Variants in DCLRE1A observed in about 807,000 individuals in gnomAD.
DCLRE1A encodes DNA cross-link repair 1A protein.
In DCLRE1A, 64 loss-of-function variants were observed where a neutral mutation model predicts 91.9. The ratio of observed to expected loss-of-function variants is 0.70; its 90% confidence interval spans 0.57 to 0.86. The LOEUF is 0.86. Ranked by LOEUF, DCLRE1A falls within the 40% of genes least tolerant of loss-of-function variation. The pLI, the probability that DCLRE1A is intolerant of heterozygous loss-of-function variation, is 0.00. For missense variants in DCLRE1A, 1,145 were observed against 1,213.3 expected, an observed-to-expected ratio of 0.94 and a Z score of 0.84; for synonymous variants, 416 against 431.1, an observed-to-expected ratio of 0.96 and a Z score of 0.43.
At chr10:113,841,308 A>C in intron 7 of DCLRE1A, 98 bp downstream of exon 7, 2 of 1,369,566 alleles carry the variant, frequency 1.5e-6, no homozygotes, top group Non-Finnish European at 9.9e-7. Flanking sequence ...ACTATGGGTG[A>C]CTCTATTATA....
chr10:113,850,288 C>G lies in DCLRE1A; in HGVS notation c.817G>C (p.Val273Leu). The change falls in exon 2 of 9, where the codon GTT (valine) becomes CTT (leucine). Residue 273 changes from valine (V) to leucine (L), a missense_variant. Transcript: ENST00000361384. Reference sequence around the variant, plus strand: ...GAGTTGTTTGCAAGACGCAAAGCAACTCCCACTAGTTTGTCATTCTCAACA... The same window carrying G: ...GAGTTGTTTGCAAGACGCAAAGCAAGTCCCACTAGTTTGTCATTCTCAACA... ...DFVENDKLVG[V>L]ALRLANNSEH... The G allele has an allele frequency of 1.2e-6, 2 of 1,614,198 alleles. No homozygotes were observed. The highest frequency in any genetic ancestry group is 1.7e-6 in the Non-Finnish European group (2 of 1,180,042).
intron 7 of DCLRE1A, among the ~76,000 whole-genome samples, chr10:113,840,396 G>A (rs1845428115): frequency 6.6e-6 from 1 of 152,126 alleles, no homozygotes; most frequent in Non-Finnish European, 1.5e-5. Context: ...TCTACAAGAA[G>A]GCCATATGCA....
At chr10:113,835,412 C>A in intron 8 of DCLRE1A, 100 bp from the exon 9 acceptor site, 1 of 1,304,338 alleles carries the variant, frequency 7.7e-7, no homozygotes, top group Non-Finnish European at 1.0e-6. Context: ...GAAAAGCAAT[C>A]CACAGTATTT....
At chr10:113,846,251 T>C (rs1445368591) in intron 3 of DCLRE1A, among the ~76,000 whole-genome samples, 1 of 152,206 alleles carries the variant, frequency 6.6e-6, no homozygotes, top group Non-Finnish European at 1.5e-5. Context: ...GTTCAGACTC[T>C]GCCATTTTTA....
rs878956293 is a variant in DCLRE1A, at chr10:113,852,795, A to G, written c.388T>C (p.Ser130Pro). Residue 130 changes from serine (S) to proline (P), a missense_variant, in exon 1 of 9, where the codon TCC (serine) becomes CCC (proline). Physicochemically the swap from Ser to Pro is moderately conservative, Grantham distance 74. Transcript: ENST00000361384. Reference sequence around the variant, plus strand: ...CGAGGTGTCTGCCCTATCAATGAGGAAAAAGGCATCTGGCAATTTGGACAG... The same window carrying G: ...CGAGGTGTCTGCCCTATCAATGAGGGAAAAGGCATCTGGCAATTTGGACAG... ...GYCPNCQMPF[S>P]SLIGQTPRWH... is the part of the protein sequence containing the mutation. The G allele has an allele frequency of 6.2e-7, 1 of 1,614,174 alleles. No homozygotes were observed. The highest frequency in any genetic ancestry group is 1.1e-5 in the South Asian group (1 of 91,080).
chr10:113,842,617 A>C lies in DCLRE1A; in HGVS notation c.2520-129T>G, dbSNP rs1469268635. On this transcript the variant is annotated intron_variant, in intron 5 of 8. Coordinates refer to ENST00000361384, the MANE Select transcript of DCLRE1A (RefSeq NM_014881.5). Reference sequence around the variant, plus strand: ...AGCAATGTAATATATTAATACCACAAGTTATCTCACTGCCTGTGGTTGGAA... The same window carrying C: ...AGCAATGTAATATATTAATACCACACGTTATCTCACTGCCTGTGGTTGGAA... 4 of 733,774 alleles carry C rather than the reference A, an allele frequency of 5.5e-6. No homozygotes were observed. The African/African-American group carries it at 7.1e-5, about 13-fold the overall frequency. 45.5% of individuals were successfully genotyped at this position (733,774 alleles called of 1,614,324 possible).
Position 113,845,725 on chromosome 10 carries a change from T to A in DCLRE1A, c.2338A>T (p.Ile780Phe). 6.2e-7 allele frequency: 1 copy of A among 1,614,184 alleles called. No individual in the cohort carries two copies. The highest frequency in any genetic ancestry group is 8.5e-7 in the Non-Finnish European group (1 of 1,180,024). ...AAAACAACTTTGACACCATTCACAATACATTCAGTGTCCAGTGGCAATGGG... is the reference window on the plus strand; with the variant it reads ...AAAACAACTTTGACACCATTCACAAAACATTCAGTGTCCAGTGGCAATGGG... ...IHPLPLDTEC[I>F]VNGVKVVLLD... The change falls in exon 4 of 9, where the codon ATT (isoleucine) becomes TTT (phenylalanine). Residue 780 changes from isoleucine (I) to phenylalanine (F), a missense_variant. Physicochemically the swap from Ile to Phe is conservative, Grantham distance 21 (BLOSUM62 0). Transcript: ENST00000361384.
In DCLRE1A at chr10:113,847,306, A is replaced by G. The variant is rs1269818157; in HGVS notation, c.2155T>C (p.Tyr719His). Residue 719 changes from tyrosine to histidine, a missense_variant, in exon 3 of 9, where the codon TAT becomes CAT. Physicochemically the swap from Tyr to His is moderately conservative, Grantham distance 83. Transcript: ENST00000361384. Reference sequence around the variant, plus strand: ...GCTGTGCAACCTTCAACCACGCCATACTGAAAGGCATCAACTGTAAAGCCG... The same window carrying G: ...GCTGTGCAACCTTCAACCACGCCATGCTGAAAGGCATCAACTGTAAAGCCG... ...GTGFTVDAFQYGVVEGCTAYF... is the reference protein window; with the variant it reads ...GTGFTVDAFQHGVVEGCTAYF... 6 of 1,613,936 alleles carry G rather than the reference A, an allele frequency of 3.7e-6. No homozygotes were observed. The highest frequency in any genetic ancestry group is 8.5e-7 in the Non-Finnish European group (1 of 1,179,952).
At chr10:113,835,568 A>G (rs1845348116) in intron 8 of DCLRE1A, among the ~76,000 whole-genome samples, 1 of 152,082 alleles carries the variant, frequency 6.6e-6, no homozygotes, top group African/African-American at 2.4e-5. Flanking sequence ...TGTAATCCCT[A>G]TGTGCTGGGG....
Position 113,850,137 on chromosome 10 carries a change from A to T in DCLRE1A, c.968T>A (p.Leu323Gln). 1 of 1,614,136 alleles carries T rather than the reference A, an allele frequency of 6.2e-7. No homozygotes were observed. The highest frequency in any genetic ancestry group is 1.6e-4 in the Middle Eastern group (1 of 6,062). The change falls in exon 2 of 9, where the codon CTG becomes CAG. Residue 323 changes from leucine to glutamine, a missense_variant. Physicochemically the swap from Leu to Gln is moderately radical, Grantham distance 113 (BLOSUM62 -2). Transcript: ENST00000361384. The stretch of plus-strand genomic sequence containing the variant: ...ATCTTTTGAGCTTTCGGTAAAAAAC[A>T]GTTGTTCTTGTGAATCATCCGGTTT... ...DEKPDDSQEQ[L>Q]FFTESSKDGS... is the part of the protein sequence containing the mutation.
At chr10:113,848,442 A>G (rs1437280744) in intron 2 of DCLRE1A, among the ~76,000 whole-genome samples, 3 of 152,260 alleles carry the variant, frequency 2.0e-5, no homozygotes, top group African/African-American at 7.2e-5. Context: ...CTAGAACATC[A>G]ATAAAGCACT....
intron 6 of DCLRE1A, 93 bp downstream of exon 6, chr10:113,842,250 T>C: frequency 9.2e-7 from 1 of 1,083,706 alleles, no homozygotes; most frequent in South Asian, 2.4e-5. Context: ...GAAATAATTA[T>C]CAAATGCAAG....
rs547552935 is a variant in DCLRE1A at position 113,835,705 on chromosome 10, C to T, written c.2963-393G>A. ...ATCCCAGCACTTTGGGAGGCCGAAGCGGGCAGATTACCTGAGGTCAGGAGT... is the reference window on the plus strand; with the variant it reads ...ATCCCAGCACTTTGGGAGGCCGAAGTGGGCAGATTACCTGAGGTCAGGAGT... On this transcript the variant is annotated intron_variant, in intron 8 of 8. Transcript: ENST00000361384. 1.6e-3 allele frequency among the ~76,000 whole-genome samples: 249 copies of T among 152,160 alleles called. 2 individuals are homozygous for T. Among genetic ancestry groups the T allele is most frequent in the Admixed American group, 5.0e-3 (77 of 15,284 alleles).
chr10:113,844,772 C>A (rs1845504082), intron 4 of DCLRE1A, among the ~76,000 whole-genome samples: 1 of 151,894 alleles, frequency 6.6e-6, no homozygotes. Context: ...CCCGTCTCTG[C>A]TAAAAATACA....
chr10:113,845,759 T>C lies in DCLRE1A; in HGVS notation c.2304A>G (p.Gln768=). ...LLKNKLHVQE[Q]YIHPLPLDTE... is the part of the protein sequence containing the mutation. Reference sequence around the variant, plus strand: ...TGTCCAGTGGCAATGGGTGAATATATTGTTCTTGCACATGAAGCTTGTTCT... The same window carrying C: ...TGTCCAGTGGCAATGGGTGAATATACTGTTCTTGCACATGAAGCTTGTTCT... The change falls in exon 4 of 9, where the codon CAA becomes CAG. Residue 768 remains glutamine (Q), a synonymous_variant. Coordinates refer to ENST00000361384, the MANE Select transcript of DCLRE1A (RefSeq NM_014881.5). 1 of 1,614,174 alleles carries C rather than the reference T, an allele frequency of 6.2e-7. No individual in the cohort carries two copies. The highest frequency in any genetic ancestry group is 1.1e-5 in the South Asian group (1 of 91,086).
At chr10:113,851,722 CTTT>C (rs368490659) in intron 1 of DCLRE1A, among the ~76,000 whole-genome samples, 4 of 141,146 alleles carry the variant, frequency 2.8e-5, no homozygotes, top group Non-Finnish European at 3.1e-5. Flanking sequence ...TATATCTATA[CTTT>C]TTTTTTTTTT....
At chr10:113,840,388 T>C (rs1370002518) in intron 7 of DCLRE1A, among the ~76,000 whole-genome samples, 3 of 152,084 alleles carry the variant, frequency 2.0e-5, no homozygotes, top group African/African-American at 4.8e-5. Flanking sequence ...ATATGCTGTC[T>C]ACAAGAAGGC....
intron 7 of DCLRE1A, among the ~76,000 whole-genome samples, chr10:113,839,324 C>CAAAAA (rs35405311): frequency 3.3e-5 from 2 of 61,240 alleles, no homozygotes; most frequent in Non-Finnish European, 5.5e-5. Flanking sequence ...GACCCTGTCT[C>CAAAAA]AAAAAAAAAA....
intron 4 of DCLRE1A, among the ~76,000 whole-genome samples, chr10:113,845,192 A>G (rs1369355231): frequency 2.6e-5 from 4 of 152,156 alleles, no homozygotes; most frequent in Non-Finnish European, 4.4e-5. Flanking sequence ...ATTAAAAGAA[A>G]AAAAGAGGGA....
Sources: allele counts gnomAD v4.1 joint callset (sites outside exome capture counted in the v4.1 genomes callset), GRCh38; gene constraint gnomAD v4.1.1; transcripts MANE v1.5; gene names NCBI Gene and HGNC (gene_info 2026-07-23, HGNC 2026-07-21).